The following TINAG variants were observed in gnomAD, a reference collection of about 807,000 sequenced individuals.
TINAG encodes tubulointerstitial nephritis antigen.
TINAG carries 83 observed loss-of-function variants against 72.7 expected under a neutral mutation model. The observed-to-expected ratio is 1.14, with a 90% CI of 0.96 to 1.37. The LOEUF (loss-of-function observed/expected upper bound fraction) is 1.37. TINAG is among the 40% of genes most tolerant of loss of function. The probability of loss-of-function intolerance (pLI) is 0.00; values close to 1 mark genes in which losing one functional copy is unlikely to be tolerated. For synonymous variants in TINAG, 234 were observed against 189.9 expected (o/e 1.23, Z -1.91); for missense variants, 685 against 576.6 (o/e 1.19, Z -1.93).
rs3777638 is a variant in TINAG at position 54,353,526 on chromosome 6, A to C, written c.1127-987A>C. Among the ~76,000 whole-genome samples, 1,407 of 151,996 alleles carry C rather than the reference A, an allele frequency of 9.3e-3. 33 individuals carry two copies. The highest frequency in any genetic ancestry group is 0.053 in the East Asian group (273 of 5,150). ...AGAACAAAAGCAGAGATCTGCGTAA[A>C]GTACAGTTACATAAATTCTTAAAAT... On this transcript the variant is annotated intron_variant, in intron 8 of 10. Coordinates refer to ENST00000259782, the MANE Select transcript of TINAG (RefSeq NM_014464.4).
At chr6:54,352,048 G>A (rs759888843) in intron 8 of TINAG, among the ~76,000 whole-genome samples, 1 of 151,640 alleles carries the variant, frequency 6.6e-6, no homozygotes, top group South Asian at 2.1e-4. Flanking sequence ...TTGCATCAAT[G>A]ACCTGAATAA....
At chr6:54,382,630 C>G (rs935105392) in intron 10 of TINAG, among the ~76,000 whole-genome samples, 26 of 151,982 alleles carry the variant, frequency 1.7e-4, no homozygotes, top group African/African-American at 6.3e-4. Flanking sequence ...GATACAACAC[C>G]TGGGTCAGAA....
chr6:54,381,345 C>T (rs1763943767), intron 10 of TINAG, among the ~76,000 whole-genome samples: 1 of 66,562 alleles, frequency 1.5e-5, no homozygotes, highest in African/African-American at 8.8e-5. Context: ...GTCCAAAGTC[C>T]TAATATTATA....
At chr6:54,371,981 G>GTTTTTTTTTTTTTTTTTT (rs576340253) in intron 9 of TINAG, among the ~76,000 whole-genome samples, 2 of 71,420 alleles carry the variant, frequency 2.8e-5, no homozygotes, top group African/African-American at 1.0e-4. Context: ...TTCAAGTCAT[G>GTTTTTTTTTTTTTTTTTT]TTTTTTTTTT....
intron 10 of TINAG, among the ~76,000 whole-genome samples, chr6:54,386,668 TGGTCCACGA>T (rs1764108135): frequency 6.6e-6 from 1 of 151,998 alleles, no homozygotes; most frequent in Non-Finnish European, 1.5e-5. Flanking sequence ...GAGCCACATT[TGGTCCACGA>T]GCCATGGTTT....
At chr6:54,377,248 A>T (rs980675785) in intron 9 of TINAG, among the ~76,000 whole-genome samples, 1 of 152,108 alleles carries the variant, frequency 6.6e-6, no homozygotes, top group African/African-American at 2.4e-5. Flanking sequence ...ACAGTGGCTC[A>T]CACCTATAAT....
intron 9 of TINAG, among the ~76,000 whole-genome samples, chr6:54,367,498 A>G (rs1763469500): frequency 6.6e-6 from 1 of 151,790 alleles, no homozygotes. Flanking sequence ...TGGTTTAGAA[A>G]TGAATGGCAT....
chr6:54,345,562 C>A (rs1260317575), intron 5 of TINAG, among the ~76,000 whole-genome samples: 1 of 152,090 alleles, frequency 6.6e-6, no homozygotes, highest in African/African-American at 2.4e-5. Context: ...ACAGTTACAC[C>A]ATTTTTTAAA....
chr6:54,328,695 A>C (rs1487677393), intron 4 of TINAG, among the ~76,000 whole-genome samples: 1 of 152,072 alleles, frequency 6.6e-6, no homozygotes, highest in African/African-American at 2.4e-5. Flanking sequence ...AGCATGTTCT[A>C]ACTGAATGTA....
At chr6:54,362,080 A>T (rs1435762253) in intron 9 of TINAG, among the ~76,000 whole-genome samples, 1 of 151,690 alleles carries the variant, frequency 6.6e-6, no homozygotes, top group African/African-American at 2.4e-5. Flanking sequence ...GCTAGTACTG[A>T]TGGAGAAACT....
intron 1 of TINAG, among the ~76,000 whole-genome samples, chr6:54,313,113 T>C (rs1429030314): frequency 1.3e-5 from 2 of 152,128 alleles, no homozygotes; most frequent in Non-Finnish European, 2.9e-5. Flanking sequence ...TGTTTAAAAA[T>C]AGAAAATACA....
chr6:54,371,364 G>T lies in TINAG; in HGVS notation c.1251-9162G>T, dbSNP rs1174550683. Among the ~76,000 whole-genome samples the T allele has an allele frequency of 2.0e-5, 3 of 151,892 alleles. 1 individual carries two copies. The highest frequency in any genetic ancestry group is 7.3e-5 in the African/African-American group (3 of 41,374). On this transcript the variant is annotated intron_variant, in intron 9 of 10. Coordinates refer to ENST00000259782, the MANE Select transcript of TINAG (RefSeq NM_014464.4). ...AATAAGTTTCCCTCTGTCTTATTGT[G>T]AGGATTAAATGAGATATGTGTCTGC...
At chr6:54,312,252 G>T (rs543146420) in intron 1 of TINAG, among the ~76,000 whole-genome samples, 3 of 151,884 alleles carry the variant, frequency 2.0e-5, no homozygotes, top group South Asian at 4.1e-4. Context: ...TAGAGATGGG[G>T]TTTTTCCTTG....
intron 7 of TINAG, among the ~76,000 whole-genome samples, chr6:54,350,708 C>T (rs1340417684): frequency 6.7e-6 from 1 of 149,310 alleles, no homozygotes; most frequent in Admixed American, 6.8e-5. Context: ...TTCTCTGTGA[C>T]GTTTTCCTTG....
intron 1 of TINAG, among the ~76,000 whole-genome samples, chr6:54,310,684 C>T (rs1320062943): frequency 8.0e-6 from 1 of 124,670 alleles, no homozygotes; most frequent in African/African-American, 2.9e-5. Flanking sequence ...CTCCCTCTTT[C>T]TTTCTTCTTT....
intron 9 of TINAG, among the ~76,000 whole-genome samples, chr6:54,360,720 A>G (rs1469351147): frequency 6.6e-6 from 1 of 151,580 alleles, no homozygotes; most frequent in Non-Finnish European, 1.5e-5. Context: ...GGAAAGAATT[A>G]GTATAAACAT....
At chr6:54,365,345 A>G (rs1763374980) in intron 9 of TINAG, 1 of 151,596 alleles carries the variant, frequency 6.6e-6, no homozygotes, top group Non-Finnish European at 1.5e-5. Flanking sequence ...TAGACTCAAA[A>G]TATTTAATAA....
At chr6:54,338,796 A>G (rs1784930944) in intron 4 of TINAG, among the ~76,000 whole-genome samples, 1 of 152,076 alleles carries the variant, frequency 6.6e-6, no homozygotes, top group Non-Finnish European at 1.5e-5. Flanking sequence ...TAAATGAAAT[A>G]AAATATTTTG....
chr6:54,328,191 G>C (rs1784653513), intron 4 of TINAG, among the ~76,000 whole-genome samples: 1 of 152,104 alleles, frequency 6.6e-6, no homozygotes. Flanking sequence ...CTCCCAGCAG[G>C]GTTCAACAGA....
Sources: gnomAD v4.1 joint callset for allele counts (sites outside exome capture counted in the v4.1 genomes callset) on GRCh38, gnomAD v4.1.1 for gene constraint, MANE v1.5 for transcripts, NCBI Gene and HGNC (gene_info 2026-07-23, HGNC 2026-07-21) for gene names.